Variants in PCDHA10 observed in about 807,000 individuals in gnomAD.
PCDHA10 encodes the protein protocadherin alpha 10, also known as protocadherin alpha-10.
A neutral mutation model predicts 61.2 loss-of-function variants in PCDHA10; 45 were observed. That is an observed-to-expected ratio of 0.74 (90% CI 0.58 to 0.94). The LOEUF (loss-of-function observed/expected upper bound fraction) is 0.94. Among genes scored for constraint, PCDHA10 ranks in the 40% least tolerant of loss-of-function variants. The pLI is 0.00. For synonymous variants in PCDHA10, 602 were observed against 548.8 expected (o/e 1.10, Z -1.35); for missense variants, 1,278 against 1,236.2 (o/e 1.03, Z -0.51).
chr5:140,915,966 T>C (rs1420384919), intron 1 of PCDHA10, among the ~76,000 whole-genome samples: 1 of 152,160 alleles, frequency 6.6e-6, no homozygotes, highest in Non-Finnish European at 1.5e-5. Flanking sequence ...ATTTGCCTGA[T>C]ATTTTATTTG....
chr5:140,856,443 T>C lies in PCDHA10; in HGVS notation c.395T>C (p.Phe132Ser). 1 of 1,598,282 alleles carries C rather than the reference T, an allele frequency of 6.3e-7. No homozygotes were observed. Among genetic ancestry groups the C allele is most frequent in the Non-Finnish European group, 8.6e-7 (1 of 1,167,892 alleles). Residue 132 changes from phenylalanine (F) to serine (S), a missense_variant, in exon 1 of 4, where the codon TTC (phenylalanine) becomes TCC (serine). Physicochemically the swap from Phe to Ser is radical, Grantham distance 155 (BLOSUM62 -2). Transcript: ENST00000307360. The part of the protein sequence containing the change: ...VKDINDNPPR[F>S]SVTEQKLSIP... ...GACATTAACGACAACCCGCCCAGGTTCTCCGTAACAGAACAAAAGCTCTCA... is the reference window on the plus strand; with the variant it reads ...GACATTAACGACAACCCGCCCAGGTCCTCCGTAACAGAACAAAAGCTCTCA...
At chr5:140,974,690 T>G (rs2096636717) in intron 1 of PCDHA10, among the ~76,000 whole-genome samples, 4 of 152,236 alleles carry the variant, frequency 2.6e-5, no homozygotes, top group Admixed American at 2.6e-4. Context: ...TTTGTATTTT[T>G]GGGTTTCACC....
At chr5:140,917,518 C>T (rs1159309425) in intron 1 of PCDHA10, among the ~76,000 whole-genome samples, 3 of 152,198 alleles carry the variant, frequency 2.0e-5, no homozygotes, top group Non-Finnish European at 4.4e-5. Context: ...AGGTTTTATT[C>T]TACGGTTTGT....
At chr5:140,920,135 C>T (rs1206026315) in intron 1 of PCDHA10, among the ~76,000 whole-genome samples, 2 of 152,164 alleles carry the variant, frequency 1.3e-5, no homozygotes, top group Non-Finnish European at 2.9e-5. Flanking sequence ...TTTTAATTCT[C>T]CTCTCCAAAC....
rs782334415 is a variant in PCDHA10 at position 141,009,744 on chromosome 5, A to T, written c.2654A>T (p.Lys885Ile). 8.1e-6 allele frequency: 13 copies of T among 1,614,028 alleles called. No homozygotes were observed. Among genetic ancestry groups the T allele is most frequent in the Non-Finnish European group, 1.1e-5 (13 of 1,180,034 alleles). The change falls in exon 4 of 4, where the codon AAA becomes ATA. Residue 885 changes from lysine (K) to isoleucine (I), a missense_variant. Transcript: ENST00000307360. Reference protein sequence around the residue: ...KQSGPGELPDKFIIPGSPAII... With the variant: ...KQSGPGELPDIFIIPGSPAII... ...TCCGGTCCCGGTGAGTTGCCCGACA[A>T]ATTCATTATCCCAGGATCTCCTGCA...
intron 3 of PCDHA10, among the ~76,000 whole-genome samples, chr5:140,994,117 G>C (rs889813029): frequency 6.6e-6 from 1 of 152,198 alleles, no homozygotes; most frequent in Non-Finnish European, 1.5e-5. Flanking sequence ...ATTGTCATGT[G>C]ATAAGGGCGA....
In PCDHA10 at chr5:140,856,033, A is replaced by T; in HGVS notation, c.-16A>T. 1.3e-6 allele frequency: 2 copies of T among 1,564,122 alleles called. No individual in the cohort carries two copies. Among genetic ancestry groups the T allele is most frequent in the Non-Finnish European group, 1.7e-6 (2 of 1,149,080 alleles). On this transcript the variant is annotated 5_prime_UTR_variant, in exon 1 of 4. Coordinates refer to ENST00000307360, the MANE Select transcript of PCDHA10 (RefSeq NM_018901.4). ...GACCGCTGATTCGTCGATTTGTAAA[A>T]CAAGAGAAGGATAAGATGGTTTCCA...
chr5:140,957,954 T>G (rs2095401085), intron 1 of PCDHA10, among the ~76,000 whole-genome samples: 2 of 152,138 alleles, frequency 1.3e-5, no homozygotes, highest in Admixed American at 1.3e-4. Context: ...TTAAGACTAT[T>G]AATTCAGAGA....
At chr5:140,969,576 G>A (rs982215577) in intron 1 of PCDHA10, 3 of 984,900 alleles carry the variant, frequency 3.0e-6, no homozygotes, top group Admixed American at 2.9e-5. Flanking sequence ...TTTGAGAAGT[G>A]AGGATTAGTC....
chr5:140,928,161 C>A, intron 1 of PCDHA10: 3 of 1,613,960 alleles, frequency 1.9e-6, no homozygotes, highest in East Asian at 2.2e-5. Context: ...GTGGCTCACC[C>A]CCACTTAGCA....
At chr5:140,888,558 C>G (rs782768307) in intron 1 of PCDHA10, among the ~76,000 whole-genome samples, 1 of 152,188 alleles carries the variant, frequency 6.6e-6, no homozygotes, top group Non-Finnish European at 1.5e-5. Flanking sequence ...TTATTCCTTT[C>G]AAGGCTTCAT....
chr5:140,932,607 T>C (rs555006363), intron 1 of PCDHA10, among the ~76,000 whole-genome samples: 8 of 152,052 alleles, frequency 5.3e-5, no homozygotes, highest in Non-Finnish European at 7.4e-5. Flanking sequence ...CTATTTTGAC[T>C]TTGAAGCTGA....
intron 1 of PCDHA10, among the ~76,000 whole-genome samples, chr5:140,975,044 G>A (rs115613317): frequency 0.045 from 6,815 of 152,244 alleles, 210 homozygotes; most frequent in Non-Finnish European, 0.062. Flanking sequence ...AGGCTCTTAG[G>A]AAGAATCTAC....
chr5:140,922,876 A>G (rs782530609), intron 1 of PCDHA10, among the ~76,000 whole-genome samples: 10 of 152,234 alleles, frequency 6.6e-5, no homozygotes, highest in Non-Finnish European at 1.3e-4. Flanking sequence ...GAAAAAATCC[A>G]AAGACATCAT....
intron 1 of PCDHA10, among the ~76,000 whole-genome samples, chr5:140,946,679 C>T (rs556487333): frequency 4.1e-5 from 6 of 144,812 alleles, no homozygotes; most frequent in East Asian, 4.0e-4. Flanking sequence ...TCCTGTCATT[C>T]GTGACAATAT....
Position 140,923,938 on chromosome 5 carries a change from CT to C in PCDHA10, c.2389-55005del, listed in dbSNP as rs1340709876. 2.6e-5 allele frequency among the ~76,000 whole-genome samples: 4 copies of C among 152,122 alleles called. No homozygotes were observed. In the East Asian group the frequency reaches 7.7e-4, roughly 29 times the overall value. On this transcript the variant is annotated intron_variant, in intron 1 of 3. Coordinates refer to ENST00000307360, the MANE Select transcript of PCDHA10 (RefSeq NM_018901.4). ...ATACTGTTCTCTGTATGCATTTTTC[CT>C]TTTTTCCTCACGCCCTAATCTATAC... is the stretch of plus-strand genomic sequence containing the variant.
rs148283153 is a variant in PCDHA10, at chr5:140,857,227, G to A, written c.1179G>A (p.Pro393=). 3.8e-6 allele frequency: 6 copies of A among 1,598,330 alleles called. No individual in the cohort carries two copies. The African/African-American group carries it at 4.0e-5, about 11-fold the overall frequency. ...CCTGCTCTCTGACGCCTCACGTTCCGTTCAAGCTGGTGTCCACCTACAAGA... is the reference window on the plus strand; with the variant it reads ...CCTGCTCTCTGACGCCTCACGTTCCATTCAAGCTGGTGTCCACCTACAAGA... ...QVTCSLTPHV[P]FKLVSTYKNY... The change falls in exon 1 of 4, where the codon CCG becomes CCA. Residue 393 remains proline (P), a synonymous_variant. Coordinates refer to ENST00000307360, the MANE Select transcript of PCDHA10 (RefSeq NM_018901.4).
At chr5:141,005,633 C>T (rs1292206901) in intron 3 of PCDHA10, among the ~76,000 whole-genome samples, 2 of 126,368 alleles carry the variant, frequency 1.6e-5, no homozygotes. Context: ...ACCCGGGAGG[C>T]GGAGCTTGCA....
chr5:141,005,335 G>A, intron 3 of PCDHA10, among the ~76,000 whole-genome samples: 1 of 152,148 alleles, frequency 6.6e-6, no homozygotes, highest in Middle Eastern at 3.2e-3. Context: ...ATAGGCCAAG[G>A]GGGTGCTGCT....
Sources: allele counts gnomAD v4.1 joint callset (sites outside exome capture counted in the v4.1 genomes callset), GRCh38; gene constraint gnomAD v4.1.1; transcripts MANE v1.5; gene names NCBI Gene and HGNC (gene_info 2026-07-23, HGNC 2026-07-21).